The following PDE1C variants were observed in gnomAD, a reference collection of about 807,000 sequenced individuals.
PDE1C encodes phosphodiesterase 1C.
In PDE1C, 62 loss-of-function variants were observed where a neutral mutation model predicts 93.1. The observed-to-expected ratio is 0.67, with a 90% CI of 0.54 to 0.82. PDE1C has a LOEUF of 0.82. PDE1C is among the 40% of genes least tolerant of loss of function. The probability of loss-of-function intolerance (pLI) is 0.00; values close to 1 mark genes in which losing one functional copy is unlikely to be tolerated. For missense variants in PDE1C, 742 were observed against 884.6 expected (o/e 0.84, Z 2.04); for synonymous variants, 325 against 310.1 (o/e 1.05, Z -0.50).
intron 2 of PDE1C, among the ~76,000 whole-genome samples, chr7:31,951,134 C>T (rs540902637): frequency 1.3e-5 from 2 of 152,164 alleles, no homozygotes; most frequent in South Asian, 4.1e-4. Flanking sequence ...CAGTCCCATT[C>T]GATGAGGATC....
At chr7:31,818,009 CAAATT>C (rs1464728737) in intron 14 of PDE1C, among the ~76,000 whole-genome samples, 29 of 152,054 alleles carry the variant, frequency 1.9e-4, no homozygotes, top group Admixed American at 1.8e-3. Context: ...CATCCCCAAA[CAAATT>C]AAATAAGATT....
intron 2 of PDE1C, among the ~76,000 whole-genome samples, chr7:32,194,551 C>A (rs1804475642): frequency 6.6e-6 from 1 of 152,084 alleles, no homozygotes; most frequent in East Asian, 1.9e-4. Flanking sequence ...TATAATGTTT[C>A]TCTCTGCCTC....
At chr7:32,273,614 G>A (rs1167177308) in intron 1 of PDE1C, among the ~76,000 whole-genome samples, 1 of 152,198 alleles carries the variant, frequency 6.6e-6, no homozygotes, top group Middle Eastern at 3.2e-3. Flanking sequence ...CAGGACAGAT[G>A]AGCATGGGGG....
chr7:31,798,156 T>C (rs770022176), intron 16 of PDE1C, among the ~76,000 whole-genome samples: 76 of 151,920 alleles, frequency 5.0e-4, no homozygotes, highest in African/African-American at 1.7e-3. Context: ...CCAGTTGACA[T>C]GAGGATCCCA....
intron 2 of PDE1C, among the ~76,000 whole-genome samples, chr7:31,981,056 G>A (rs905336059): frequency 5.3e-5 from 8 of 152,140 alleles, no homozygotes; most frequent in African/African-American, 1.9e-4. Context: ...ACTGTGGAGA[G>A]CCATCATTTC....
the PDE1C span, chr7:31,642,098 C>A: frequency 1.1e-6 from 1 of 916,824 alleles, no homozygotes; most frequent in Non-Finnish European, 1.7e-6. Context: ...GTGTGTCAGG[C>A]ACCTAGAGGG....
intron 2 of PDE1C, among the ~76,000 whole-genome samples, chr7:31,966,767 C>A (rs938680240): frequency 3.7e-4 from 56 of 152,300 alleles, no homozygotes; most frequent in African/African-American, 1.3e-3. Context: ...GTCTCTCAGA[C>A]CACAGTGCAA....
At chr7:31,864,032 A>G (rs1261214908) in intron 7 of PDE1C, among the ~76,000 whole-genome samples, 1 of 152,210 alleles carries the variant, frequency 6.6e-6, no homozygotes, top group Non-Finnish European at 1.5e-5. Flanking sequence ...CTATACCCAA[A>G]GTATGTCTAT....
At chr7:32,339,750 A>C (rs1052345915) in intron 1 of PDE1C, among the ~76,000 whole-genome samples, 7 of 152,154 alleles carry the variant, frequency 4.6e-5, no homozygotes, top group African/African-American at 1.7e-4. Context: ...GCTTGAAAAG[A>C]AGCACAGAGA....
At chr7:32,062,599 C>T (rs1457685433) in intron 1 of PDE1C, among the ~76,000 whole-genome samples, 4 of 152,182 alleles carry the variant, frequency 2.6e-5, no homozygotes, top group African/African-American at 7.2e-5. Flanking sequence ...CTCTGAATCC[C>T]GGACCAGGTT....
intron 1 of PDE1C, among the ~76,000 whole-genome samples, chr7:32,214,847 C>G (rs1806306025): frequency 6.6e-6 from 1 of 152,148 alleles, no homozygotes; most frequent in African/African-American, 2.4e-5. Context: ...GGGCGCTGGG[C>G]AGTGAACTAG....
At chr7:31,928,187 T>A (rs1457887877) in intron 2 of PDE1C, among the ~76,000 whole-genome samples, 3 of 151,724 alleles carry the variant, frequency 2.0e-5, no homozygotes, top group Non-Finnish European at 4.4e-5. Context: ...AGAAAGGATA[T>A]CAGAGATTGA....
At chr7:32,278,788 G>T (rs1585068664) in intron 1 of PDE1C, among the ~76,000 whole-genome samples, 1 of 152,202 alleles carries the variant, frequency 6.6e-6, no homozygotes, top group East Asian at 1.9e-4. Flanking sequence ...ACACACAGGA[G>T]CTTCCAGAAA....
At chr7:31,669,662 C>T in the PDE1C span, among the ~76,000 whole-genome samples, 1 of 152,148 alleles carries the variant, frequency 6.6e-6, no homozygotes, top group Non-Finnish European at 1.5e-5. Flanking sequence ...TTACATCAGA[C>T]TCTTCTTCTT....
chr7:31,693,164 A>G, the PDE1C span, among the ~76,000 whole-genome samples: 4 of 152,044 alleles, frequency 2.6e-5, no homozygotes, highest in African/African-American at 9.7e-5. Context: ...CCCATTTGCC[A>G]TCAAGATATT....
intron 1 of PDE1C, among the ~76,000 whole-genome samples, chr7:32,058,899 A>T (rs928038709): frequency 5.9e-5 from 9 of 152,144 alleles, no homozygotes; most frequent in African/African-American, 2.2e-4. Flanking sequence ...GTGCACAATG[A>T]TTTCATTTTC....
chr7:31,829,539 T>C (rs908644437), intron 11 of PDE1C, among the ~76,000 whole-genome samples: 1 of 152,058 alleles, frequency 6.6e-6, no homozygotes, highest in African/African-American at 2.4e-5. Flanking sequence ...TAAGGCATGC[T>C]ACCAAAGAGA....
intron 16 of PDE1C, among the ~76,000 whole-genome samples, chr7:31,806,132 G>A (rs1418008931): frequency 6.6e-6 from 1 of 151,876 alleles, no homozygotes; most frequent in Non-Finnish European, 1.5e-5. Flanking sequence ...TTCAATAAAG[G>A]AGAAACTCCT....
chr7:32,122,263 A>T (rs1799343394), intron 3 of PDE1C, among the ~76,000 whole-genome samples: 1 of 152,218 alleles, frequency 6.6e-6, no homozygotes. Flanking sequence ...ACTCCCAAAC[A>T]ATAATAGTGG....
Sources: allele counts gnomAD v4.1 joint callset (sites outside exome capture counted in the v4.1 genomes callset), GRCh38; gene constraint gnomAD v4.1.1; transcripts MANE v1.5; gene names NCBI Gene and HGNC (gene_info 2026-07-23, HGNC 2026-07-21).